Variants in PCDH15 observed in about 807,000 individuals in gnomAD.
PCDH15 encodes protocadherin related 15, also known as protocadherin-15.
PCDH15 carries 129 observed loss-of-function variants against 178.5 expected under a neutral mutation model. That is an observed-to-expected ratio of 0.72 (90% confidence interval 0.63 to 0.84). The LOEUF is 0.84. Ranked by LOEUF, PCDH15 falls within the 40% of genes least tolerant of loss-of-function variation. PCDH15 has a pLI of 0.00. For synonymous variants in PCDH15, 800 were observed against 732.0 expected, an observed-to-expected ratio of 1.09 and a Z score of -1.50; for missense variants, 2,230 against 2,099.9, an observed-to-expected ratio of 1.06 and a Z score of -1.21.
At chr10:53,914,009 A>G (rs1029691769) in intron 25 of PCDH15, among the ~76,000 whole-genome samples, 1 of 152,204 alleles carries the variant, frequency 6.6e-6, no homozygotes, top group African/African-American at 2.4e-5. Context: ...AGACACATGA[A>G]AAAAGGCCCA....
rs778782334 is a variant in PCDH15 at position 54,434,007 on chromosome 10, G to A, written c.158-55065C>T. 1.5e-3 allele frequency among the ~76,000 whole-genome samples: 232 copies of A among 152,186 alleles called. 2 individuals carry two copies. Among genetic ancestry groups the A allele is most frequent in the Non-Finnish European group, 2.3e-3 (158 of 68,000 alleles). Reference sequence around the variant, plus strand: ...ACGAGACGTGGACGTGGAAGACAGCGATATAGATCCACATCTTGTGTAGCC... The same window carrying A: ...ACGAGACGTGGACGTGGAAGACAGCAATATAGATCCACATCTTGTGTAGCC... On this transcript the variant is annotated intron_variant, in intron 3 of 37. Coordinates refer to ENST00000644397, the MANE Select transcript of PCDH15 (RefSeq NM_001384140.1).
intron 2 of PCDH15, among the ~76,000 whole-genome samples, chr10:54,988,845 G>A (rs1421241445): frequency 6.6e-6 from 1 of 152,132 alleles, no homozygotes; most frequent in Non-Finnish European, 1.5e-5. Flanking sequence ...TAAGTAACAA[G>A]GAGCCCAAAT....
At chr10:53,935,290 C>T (rs894029854) in intron 25 of PCDH15, among the ~76,000 whole-genome samples, 4 of 152,148 alleles carry the variant, frequency 2.6e-5, no homozygotes, top group African/African-American at 9.7e-5. Flanking sequence ...TATAATCCTG[C>T]ATCAAGGACT....
In PCDH15 at chr10:54,221,600, C is replaced by CTT. The variant is rs200046291; in HGVS notation, c.986-7554_986-7553dup. 3.7e-3 allele frequency among the ~76,000 whole-genome samples: 524 copies of CTT among 143,100 alleles called. 3 individuals carry two copies. Among genetic ancestry groups the CTT allele is most frequent in the African/African-American group, 0.012 (476 of 39,582 alleles). 93.9% of individuals were successfully genotyped at this position (143,100 alleles called of 152,430 possible). ...TGGGATCATTTATATAGTATGTATT[C>CTT]TTTTTTTTTTTTTTAATTTTGAGAA... is the stretch of plus-strand genomic sequence containing the variant. On this transcript the variant is annotated intron_variant, in intron 9 of 37. Coordinates refer to ENST00000644397, the MANE Select transcript of PCDH15 (RefSeq NM_001384140.1).
Position 55,192,330 on chromosome 10 carries a change from T to A in PCDH15, c.-155-25679A>T, listed in dbSNP as rs1426112808. ...CTATTTATAAAAGAAAGATTGATGT[T>A]TGGCAGGAAAAAAAATAAAATGGTC... is the stretch of plus-strand genomic sequence containing the variant. On this transcript the variant is annotated intron_variant, in intron 1 of 5. Coordinates refer to the PCDH15 transcript ENST00000458638. Among the ~76,000 whole-genome samples, 7 of 151,960 alleles carry A rather than the reference T, an allele frequency of 4.6e-5. No individual in the cohort carries two copies. In the East Asian group the frequency reaches 1.4e-3, roughly 29 times the overall value.
chr10:55,512,246 C>A (rs149502801), intron 2 of PCDH15, among the ~76,000 whole-genome samples: 9 of 152,138 alleles, frequency 5.9e-5, no homozygotes, highest in Admixed American at 2.0e-4. Context: ...GTTAGACTGG[C>A]TACTTTATTT....
In PCDH15 at chr10:53,804,299, T is replaced by G. The variant is rs969717956; in HGVS notation, c.*2280A>C. 5 of 151,946 alleles carry G rather than the reference T, an allele frequency of 3.3e-5. No individual in the cohort carries two copies. Among genetic ancestry groups the G allele is most frequent in the African/African-American group, 1.2e-4 (5 of 41,410 alleles). The allele number at this position is 151,946 out of a possible 1,614,324, so 9.4% of individuals were successfully genotyped here. On this transcript the variant is annotated 3_prime_UTR_variant, in exon 38 of 38. Transcript: ENST00000644397. Reference sequence around the variant, plus strand: ...ATTTTGCATATTTTCTCATAAAAAATGTAGTTTAAAATACAGTGACATCTC... The same window carrying G: ...ATTTTGCATATTTTCTCATAAAAAAGGTAGTTTAAAATACAGTGACATCTC...
chr10:54,396,602 C>T (rs918274984), intron 3 of PCDH15, among the ~76,000 whole-genome samples: 3 of 152,102 alleles, frequency 2.0e-5, no homozygotes, highest in African/African-American at 7.2e-5. Flanking sequence ...TTTTGATACA[C>T]TTTAATTATA....
intron 2 of PCDH15, among the ~76,000 whole-genome samples, chr10:55,090,220 A>T (rs1842281394): frequency 6.6e-6 from 1 of 152,088 alleles, no homozygotes; most frequent in South Asian, 2.1e-4. Context: ...AAAGAAAAGC[A>T]TTAAACTTTT....
At chr10:55,381,148 G>T (rs1463456511) in intron 2 of PCDH15, among the ~76,000 whole-genome samples, 1 of 152,086 alleles carries the variant, frequency 6.6e-6, no homozygotes, top group Non-Finnish European at 1.5e-5. Flanking sequence ...GCAGAAAAGT[G>T]AGCTCCTATG....
chr10:54,713,372 G>A (rs909838653), intron 1 of PCDH15, among the ~76,000 whole-genome samples: 4 of 151,994 alleles, frequency 2.6e-5, no homozygotes, highest in South Asian at 4.1e-4. Flanking sequence ...ACAGACGCAC[G>A]AGAGGAATAT....
rs531230534 is a variant in PCDH15, at chr10:55,156,135, G to T, written c.-80+10441C>A. ...TCCATTGCACAAATAATTTATATCTGCAAAATGTATGTATGGATAATGATC... is the reference window on the plus strand; with the variant it reads ...TCCATTGCACAAATAATTTATATCTTCAAAATGTATGTATGGATAATGATC... On this transcript the variant is annotated intron_variant, in intron 2 of 5. Coordinates refer to the PCDH15 transcript ENST00000458638. Among the ~76,000 whole-genome samples the T allele has an allele frequency of 6.6e-5, 10 of 152,222 alleles. 1 individual carries two copies. In the South Asian group the frequency reaches 2.1e-3, roughly 32 times the overall value.
At chr10:54,913,445 A>T (rs368789537) in intron 2 of PCDH15, among the ~76,000 whole-genome samples, 2 of 152,220 alleles carry the variant, frequency 1.3e-5, no homozygotes, top group African/African-American at 4.8e-5. Flanking sequence ...CACAGGATGT[A>T]TGAAAACACC....
In PCDH15 at chr10:55,411,734, T is replaced by C. The variant is rs564628145; in HGVS notation, c.-156+215891A>G. Among the ~76,000 whole-genome samples the C allele has an allele frequency of 1.7e-3, 266 of 152,222 alleles. 1 individual carries two copies. Among genetic ancestry groups the C allele is most frequent in the African/African-American group, 6.1e-3 (252 of 41,556 alleles). ...GTGTAAGTCAGATGTAACTGATGGC[T>C]TAGTCAAAGAGAAAGCAGTAAATTG... On this transcript the variant is annotated intron_variant, in intron 2 of 5. Transcript: ENST00000613346.
intron 5 of PCDH15, among the ~76,000 whole-genome samples, chr10:54,361,798 G>A (rs929778987): frequency 1.3e-4 from 20 of 151,810 alleles, no homozygotes; most frequent in Non-Finnish European, 2.5e-4. Flanking sequence ...TTTAAGACTC[G>A]GGAAATAAAT....
chr10:54,701,559 T>C lies in PCDH15; in HGVS notation c.-28-37269A>G, dbSNP rs568566782. Among the ~76,000 whole-genome samples the C allele has an allele frequency of 2.2e-4, 33 of 152,156 alleles. No individual in the cohort carries two copies. The South Asian group carries it at 3.1e-3, about 14-fold the overall frequency. On this transcript the variant is annotated intron_variant, in intron 1 of 37. Coordinates refer to ENST00000644397, the MANE Select transcript of PCDH15 (RefSeq NM_001384140.1). ...AACTGTATGCTGTCTTCAAGAGAAC[T>C]ATTTCACAAGCAATGACACACAGAA...
intron 2 of PCDH15, among the ~76,000 whole-genome samples, chr10:55,439,039 C>A (rs1461178412): frequency 1.3e-5 from 2 of 151,988 alleles, no homozygotes; most frequent in African/African-American, 4.8e-5. Flanking sequence ...ACTAGGACTA[C>A]AGGCGCCCAC....
intron 2 of PCDH15, chr10:54,568,416 T>A (rs1223159008): frequency 3.3e-5 from 5 of 152,146 alleles, no homozygotes; most frequent in African/African-American, 1.2e-4. Context: ...TATTACATCT[T>A]CATTTGTTTA....
intron 21 of PCDH15, among the ~76,000 whole-genome samples, chr10:53,980,894 T>C (rs2090584199): frequency 6.6e-6 from 1 of 152,216 alleles, no homozygotes; most frequent in Non-Finnish European, 1.5e-5. Context: ...GGTATCTTTC[T>C]AAATATGATT....
Sources: gnomAD v4.1 joint callset for allele counts (sites outside exome capture counted in the v4.1 genomes callset) on GRCh38, gnomAD v4.1.1 for gene constraint, MANE v1.5 for transcripts, NCBI Gene and HGNC (gene_info 2026-07-23, HGNC 2026-07-21) for gene names.